CLVS2: variants seen among roughly 807,000 people sequenced by gnomAD.
CLVS2 encodes the protein clavesin-2.
Under a neutral mutation model 29.0 loss-of-function variants are expected in CLVS2, and 19 were observed. The ratio of observed to expected loss-of-function variants is 0.66; its 90% confidence interval spans 0.46 to 0.96. CLVS2 has a LOEUF of 0.96. CLVS2 is among the 40% of genes least tolerant of loss of function. The probability of loss-of-function intolerance (pLI) is 0.00; values close to 1 mark genes in which losing one functional copy is unlikely to be tolerated. For missense variants in CLVS2, 294 were observed against 404.1 expected, an observed-to-expected ratio of 0.73 and a Z score of 2.34; for synonymous variants, 161 against 151.3, an observed-to-expected ratio of 1.06 and a Z score of -0.47.
At position 123,067,976 on chromosome 6, in the gene CLVS2, A is replaced by T. The variant is rs1772889168; in HGVS notation, c.*4215A>T. The T allele has an allele frequency of 6.6e-6, 1 of 151,740 alleles. No homozygotes were observed. The highest frequency in any genetic ancestry group is 2.4e-5 in the African/African-American group (1 of 41,402). The allele number at this position is 151,740 out of a possible 1,614,324, so 9.4% of individuals were successfully genotyped here. On this transcript the variant is annotated 3_prime_UTR_variant, in exon 6 of 6. Transcript: ENST00000275162. ...CATACAAAAGAAGCTTGGCTTTGTAACATTATTATATTATGATCTCAATGG... is the reference window on the plus strand; with the variant it reads ...CATACAAAAGAAGCTTGGCTTTGTATCATTATTATATTATGATCTCAATGG...
At chr6:123,013,670 A>T (rs927259267) in intron 3 of CLVS2, among the ~76,000 whole-genome samples, 4 of 151,510 alleles carry the variant, frequency 2.6e-5, no homozygotes, top group Non-Finnish European at 4.4e-5. Flanking sequence ...TTATTTTATT[A>T]TTATTATACT....
At chr6:123,022,497 G>A (rs1257312107) in intron 3 of CLVS2, among the ~76,000 whole-genome samples, 4 of 151,904 alleles carry the variant, frequency 2.6e-5, no homozygotes, top group Non-Finnish European at 5.9e-5. Flanking sequence ...GCATAATGGT[G>A]GTAGGAGATA....
In CLVS2 at chr6:123,067,389, T is replaced by A. The variant is rs1384210341; in HGVS notation, c.*3628T>A. Reference sequence around the variant, plus strand: ...TACAATGTAAAGGTTTATGGACATATCTCTGGTCCTTTAAAGAAGTTACAT... The same window carrying A: ...TACAATGTAAAGGTTTATGGACATAACTCTGGTCCTTTAAAGAAGTTACAT... On this transcript the variant is annotated 3_prime_UTR_variant, in exon 6 of 6. Coordinates refer to ENST00000275162, the MANE Select transcript of CLVS2 (RefSeq NM_001010852.4). The A allele has an allele frequency of 6.6e-6, 1 of 151,722 alleles. No individual in the cohort carries two copies. The highest frequency in any genetic ancestry group is 1.5e-5 in the Non-Finnish European group (1 of 67,738). 9.4% of individuals were successfully genotyped at this position (151,722 alleles called of 1,614,324 possible). A position where few individuals can be genotyped will look rare whatever the true frequency, so the allele number is the denominator to read the frequency against.
At chr6:123,053,688 T>C (rs1351082419) in intron 4 of CLVS2, among the ~76,000 whole-genome samples, 1 of 151,672 alleles carries the variant, frequency 6.6e-6, no homozygotes, top group African/African-American at 2.4e-5. Context: ...AGGAGAGAAA[T>C]AGGAAAGCAA....
At chr6:123,057,548 C>G (rs1446720960) in intron 5 of CLVS2, among the ~76,000 whole-genome samples, 1 of 151,848 alleles carries the variant, frequency 6.6e-6, no homozygotes. Flanking sequence ...GTTTCACCAT[C>G]TTGTCCAGGC....
intron 3 of CLVS2, among the ~76,000 whole-genome samples, chr6:123,016,021 CTTTTTT>C (rs58103603): frequency 4.4e-3 from 222 of 50,826 alleles, no homozygotes; most frequent in African/African-American, 0.016. Context: ...CAACATCAGA[CTTTTTT>C]TTTTTTTTTT....
intron 3 of CLVS2, among the ~76,000 whole-genome samples, chr6:123,017,370 G>A (rs1774852798): frequency 6.6e-6 from 1 of 151,984 alleles, no homozygotes; most frequent in African/African-American, 2.4e-5. Context: ...CTATCTTTTT[G>A]AAAGTAAACA....
chr6:123,041,026 T>A (rs1775222770), intron 3 of CLVS2, among the ~76,000 whole-genome samples: 1 of 152,118 alleles, frequency 6.6e-6, no homozygotes, highest in Non-Finnish European at 1.5e-5. Context: ...CAAGTGGAAC[T>A]CATGCCATTG....
At chr6:123,016,766 T>C (rs1774840632) in intron 3 of CLVS2, among the ~76,000 whole-genome samples, 1 of 152,098 alleles carries the variant, frequency 6.6e-6, no homozygotes, top group Non-Finnish European at 1.5e-5. Flanking sequence ...ATAAAGAATA[T>C]GTAATCAATT....
intron 3 of CLVS2, among the ~76,000 whole-genome samples, chr6:123,023,794 A>T (rs1774958132): frequency 6.6e-6 from 1 of 152,138 alleles, no homozygotes; most frequent in Admixed American, 6.6e-5. Flanking sequence ...TCTTGCCCGT[A>T]TCATGTCCAG....
chr6:123,012,694 G>C (rs1343700913), intron 3 of CLVS2, among the ~76,000 whole-genome samples: 1 of 152,002 alleles, frequency 6.6e-6, no homozygotes, highest in Non-Finnish European at 1.5e-5. Flanking sequence ...ACTACACTCA[G>C]ATGAAACCTC....
chr6:122,999,598 G>A (rs765014942), intron 2 of CLVS2, among the ~76,000 whole-genome samples: 5 of 152,054 alleles, frequency 3.3e-5, no homozygotes, highest in Non-Finnish European at 5.9e-5. Context: ...GTTTAAAAAT[G>A]TTTTCTTTTC....
intron 3 of CLVS2, among the ~76,000 whole-genome samples, chr6:123,021,454 C>G (rs1470695267): frequency 6.6e-6 from 1 of 151,784 alleles, no homozygotes; most frequent in East Asian, 1.9e-4. Flanking sequence ...ATTTTTTCCT[C>G]TGATTTTTTT....
chr6:123,041,012 G>A (rs1775222481), intron 3 of CLVS2, among the ~76,000 whole-genome samples: 1 of 152,086 alleles, frequency 6.6e-6, no homozygotes, highest in Non-Finnish European at 1.5e-5. Flanking sequence ...TATCTTGTAT[G>A]AAACAAGTGG....
At chr6:123,048,567 C>T in intron 3 of CLVS2, 55 bp from the exon 4 acceptor site, 1 of 1,155,410 alleles carries the variant, frequency 8.7e-7, no homozygotes. Context: ...CTTTCCTAAA[C>T]CTTCTCAGTC....
rs13200040 is a variant in CLVS2, at chr6:122,996,669, G to T, written c.-637G>T. ...AGGAGTTGATGCCGCTGTCGCCGCC[G>T]CCGCCGCTGCTGAAGCCGCGGCTGA... is the stretch of plus-strand genomic sequence containing the variant. On this transcript the variant is annotated 5_prime_UTR_variant, in exon 1 of 6. Coordinates refer to ENST00000275162, the MANE Select transcript of CLVS2 (RefSeq NM_001010852.4). 1 of 164,758 alleles carries T rather than the reference G, an allele frequency of 6.1e-6. No individual in the cohort carries two copies. 10.2% of individuals were successfully genotyped at this position (164,758 alleles called of 1,614,324 possible). A position where few individuals can be genotyped will look rare whatever the true frequency, so the allele number is the denominator to read the frequency against.
rs1195889628 is a variant in CLVS2 at position 123,004,952 on chromosome 6, A to AAAAAC, written c.390-6029_390-6028insCAAAA. On this transcript the variant is annotated intron_variant, in intron 2 of 5. Transcript: ENST00000275162. Reference sequence around the variant, plus strand: ...AAAACAAAAACAAAAACAAAAAACAAAAAAAAAAAAAACCAATTATCTATT... The same window carrying AAAAAC: ...AAAACAAAAACAAAAACAAAAAACAAAAAACAAAAAAAAAAAACCAATTATCTATT... Among the ~76,000 whole-genome samples, 25 of 10,032 alleles carry AAAAAC rather than the reference A, an allele frequency of 2.5e-3. No individual in the cohort carries two copies. In the East Asian group the frequency reaches 0.14, roughly 57 times the overall value. The allele number at this position is 10,032 out of a possible 152,430, so 6.6% of individuals were successfully genotyped here.
chr6:123,008,753 C>T (rs1484067339), intron 2 of CLVS2, among the ~76,000 whole-genome samples: 1 of 151,482 alleles, frequency 6.6e-6, no homozygotes, highest in Non-Finnish European at 1.5e-5. Context: ...CCTTCCAATG[C>T]CTGTGTTTAT....
At chr6:123,061,794 A>G (rs927559130) in intron 5 of CLVS2, among the ~76,000 whole-genome samples, 1 of 152,218 alleles carries the variant, frequency 6.6e-6, no homozygotes, top group Admixed American at 6.5e-5. Context: ...CAAATGCTTA[A>G]CTATTGTGCC....
Sources: gnomAD v4.1 joint callset for allele counts (sites outside exome capture counted in the v4.1 genomes callset) on GRCh38, gnomAD v4.1.1 for gene constraint, MANE v1.5 for transcripts, NCBI Gene and HGNC (gene_info 2026-07-23, HGNC 2026-07-21) for gene names.